The following ADGRB3 variants were observed in gnomAD, a reference collection of about 807,000 sequenced individuals.
ADGRB3 encodes the protein adhesion G protein-coupled receptor B3.
A neutral mutation model predicts 193.4 loss-of-function variants in ADGRB3; 37 were observed. The observed-to-expected ratio is 0.19, with a 90% CI of 0.15 to 0.25. ADGRB3 has a LOEUF of 0.25. Ranked by LOEUF, ADGRB3 falls within the 10% of genes least tolerant of loss-of-function variation. The pLI is 1.00. For synonymous variants in ADGRB3, 690 were observed against 644.2 expected, an observed-to-expected ratio of 1.07 and a Z score of -1.08; for missense variants, 1,637 against 1,852.9, an observed-to-expected ratio of 0.88 and a Z score of 2.14.
At chr6:69,198,493 G>A (rs1223121780) in intron 17 of ADGRB3, among the ~76,000 whole-genome samples, 2 of 152,048 alleles carry the variant, frequency 1.3e-5, no homozygotes, top group African/African-American at 4.8e-5. Flanking sequence ...AAGGTGATGG[G>A]GAAGGCCTCT....
rs78931223 is a variant in ADGRB3, at chr6:68,716,123, C to T, written c.757+76691C>T. ...GGTTATACAAATCATAATTGGTAAA[C>T]TGGGCATTCAAATCCAAGCTTTTCT... On this transcript the variant is annotated intron_variant, in intron 3 of 31. Coordinates refer to ENST00000370598, the MANE Select transcript of ADGRB3 (RefSeq NM_001704.3). Among the ~76,000 whole-genome samples the T allele has an allele frequency of 3.2e-3, 483 of 151,792 alleles. 4 individuals are homozygous for T. The highest frequency in any genetic ancestry group is 0.011 in the African/African-American group (473 of 41,460).
intron 29 of ADGRB3, among the ~76,000 whole-genome samples, chr6:69,369,238 T>C (rs1034280196): frequency 6.6e-5 from 10 of 152,160 alleles, no homozygotes. Context: ...GAAAGACATT[T>C]GAATAAACAT....
intron 17 of ADGRB3, among the ~76,000 whole-genome samples, chr6:69,089,344 T>A (rs1772641226): frequency 1.3e-5 from 2 of 152,108 alleles, no homozygotes; most frequent in South Asian, 4.1e-4. Context: ...AAAGAAAGAG[T>A]ACTATTTCAG....
intron 17 of ADGRB3, among the ~76,000 whole-genome samples, chr6:69,190,853 A>G (rs1409962095): frequency 1.3e-5 from 2 of 152,152 alleles, no homozygotes; most frequent in African/African-American, 4.8e-5. Context: ...TTATGTTACA[A>G]TTGCCTACAT....
intron 3 of ADGRB3, among the ~76,000 whole-genome samples, chr6:68,702,645 C>G (rs192415209): frequency 6.6e-6 from 1 of 152,198 alleles, no homozygotes; most frequent in African/African-American, 2.4e-5. Flanking sequence ...ACAGAGAACT[C>G]AGCACTCTAA....
intron 20 of ADGRB3, 83 bp from the exon 21 acceptor site, chr6:69,324,789 A>C: frequency 7.0e-7 from 1 of 1,435,576 alleles, no homozygotes; most frequent in Non-Finnish European, 9.5e-7. Flanking sequence ...GCAATGAATC[A>C]GAGATTAACA....
intron 17 of ADGRB3, among the ~76,000 whole-genome samples, chr6:69,093,853 C>T (rs1462501842): frequency 2.6e-5 from 4 of 152,086 alleles, no homozygotes; most frequent in Admixed American, 6.5e-5. Flanking sequence ...ATGTAAGAAT[C>T]GTAAGACCTG....
At chr6:68,805,145 C>T (rs1767378695) in intron 3 of ADGRB3, among the ~76,000 whole-genome samples, 1 of 152,096 alleles carries the variant, frequency 6.6e-6, no homozygotes, top group Non-Finnish European at 1.5e-5. Context: ...GCTGCCCAGG[C>T]TGGTATCTAT....
chr6:69,190,730 T>C (rs1226543393), intron 17 of ADGRB3, among the ~76,000 whole-genome samples: 1 of 152,146 alleles, frequency 6.6e-6, no homozygotes, highest in African/African-American at 2.4e-5. Context: ...AAGAGCAACT[T>C]CCAGTCCTGC....
At chr6:68,795,415 C>T (rs1472921487) in intron 3 of ADGRB3, among the ~76,000 whole-genome samples, 1 of 151,862 alleles carries the variant, frequency 6.6e-6, no homozygotes, top group East Asian at 1.9e-4. Context: ...TGATCTTTTC[C>T]TTTTAAATAA....
chr6:68,681,181 A>T (rs1414187858), intron 3 of ADGRB3, among the ~76,000 whole-genome samples: 1 of 152,154 alleles, frequency 6.6e-6, no homozygotes, highest in Non-Finnish European at 1.5e-5. Context: ...TATGGTGGAG[A>T]GGACACCAAG....
chr6:69,210,149 C>CATATATATATATATATATTTATATAT (rs1765629292), intron 17 of ADGRB3, among the ~76,000 whole-genome samples: 1 of 78,940 alleles, frequency 1.3e-5, no homozygotes, highest in Non-Finnish European at 2.5e-5. Context: ...TAATATATAT[C>CATATATATATATATATATTTATATAT]ATATATATAT....
At chr6:68,865,420 G>A (rs1765270237) in intron 3 of ADGRB3, among the ~76,000 whole-genome samples, 1 of 152,108 alleles carries the variant, frequency 6.6e-6, no homozygotes. Context: ...TCTCTTCAGG[G>A]TTACCTTCTC....
At chr6:68,640,085 T>C (rs1768049757) in intron 3 of ADGRB3, among the ~76,000 whole-genome samples, 1 of 152,194 alleles carries the variant, frequency 6.6e-6, no homozygotes, top group Non-Finnish European at 1.5e-5. Context: ...AGGAACTCAC[T>C]AGAAGCGCAA....
chr6:69,327,462 C>T (rs1768600854), intron 21 of ADGRB3, among the ~76,000 whole-genome samples: 2 of 152,100 alleles, frequency 1.3e-5, no homozygotes, highest in Admixed American at 1.3e-4. Flanking sequence ...CCAGAACATC[C>T]AGTTTTTGCC....
At chr6:68,855,041 T>C (rs1328583889) in intron 3 of ADGRB3, among the ~76,000 whole-genome samples, 1 of 152,206 alleles carries the variant, frequency 6.6e-6, no homozygotes, top group African/African-American at 2.4e-5. Context: ...ACGACAGCTT[T>C]TATCAGGAAG....
At chr6:69,142,863 T>A (rs1233656584) in intron 17 of ADGRB3, among the ~76,000 whole-genome samples, 1 of 152,148 alleles carries the variant, frequency 6.6e-6, no homozygotes, top group Non-Finnish European at 1.5e-5. Context: ...TCTGATCAAA[T>A]AAGATTGCAA....
At chr6:68,923,033 A>C (rs1283768701) in intron 3 of ADGRB3, among the ~76,000 whole-genome samples, 1 of 152,162 alleles carries the variant, frequency 6.6e-6, no homozygotes, top group Non-Finnish European at 1.5e-5. Context: ...GGAATAGTTA[A>C]GATGGAATTA....
At chr6:68,922,297 C>T (rs763766659) in intron 3 of ADGRB3, among the ~76,000 whole-genome samples, 1 of 152,040 alleles carries the variant, frequency 6.6e-6, no homozygotes, top group Non-Finnish European at 1.5e-5. Flanking sequence ...TAAAATTCCC[C>T]CTTATAAAAA....
Sources: gnomAD v4.1 joint callset for allele counts (sites outside exome capture counted in the v4.1 genomes callset) on GRCh38, gnomAD v4.1.1 for gene constraint, MANE v1.5 for transcripts, NCBI Gene and HGNC (gene_info 2026-07-23, HGNC 2026-07-21) for gene names.